Variants in TAFAZZIN observed in about 807,000 individuals in gnomAD.
TAFAZZIN encodes tafazzin, phospholipid-lysophospholipid transacylase.
Under a neutral mutation model 27.3 loss-of-function variants are expected in TAFAZZIN, and 6 were observed. That is an observed-to-expected ratio of 0.22 (90% CI 0.12 to 0.43). TAFAZZIN has a LOEUF of 0.43. Among genes scored for constraint, TAFAZZIN ranks in the 20% least tolerant of loss-of-function variants. TAFAZZIN has a pLI of 1.00. For synonymous variants in TAFAZZIN, 79 were observed against 96.2 expected, an observed-to-expected ratio of 0.82 and a Z score of 1.04; for missense variants, 127 against 244.5, an observed-to-expected ratio of 0.52 and a Z score of 3.21.
intron 5 of TAFAZZIN, among the ~76,000 whole-genome samples, chrX:154,417,860 G>A (rs1172604066): frequency 9.8e-5 from 11 of 111,942 alleles, no homozygotes; most frequent in Non-Finnish European, 1.7e-4. Flanking sequence ...TTCACCCCTC[G>A]TCCCTGCCTC....
chrX:154,418,256 G>A (rs782292026), intron 5 of TAFAZZIN, among the ~76,000 whole-genome samples: 1 of 111,807 alleles, frequency 8.9e-6, no homozygotes, highest in East Asian at 2.8e-4. Context: ...AGCCCAAGTG[G>A]GCTGCTGGGT....
At chrX:154,419,798 CCT>C in intron 7 of TAFAZZIN, 52 bp downstream of exon 7, 1 of 1,199,887 alleles carries the variant, frequency 8.3e-7, no homozygotes, top group Non-Finnish European at 1.1e-6. Flanking sequence ...CAGAGATGGC[CCT>C]GTGGGCCCCT....
In TAFAZZIN at chrX:154,411,881, C is replaced by T. The variant is rs1557190859; in HGVS notation, c.38C>T (p.Pro13Leu). 8.3e-7 allele frequency: 1 copy of T among 1,205,419 alleles called. No individual in the cohort carries two copies. The highest frequency in any genetic ancestry group is 3.0e-5 in the East Asian group (1 of 33,673). Reference protein sequence around the residue: ...LHVKWPFPAVPPLTWTLASSV... With the variant: ...LHVKWPFPAVLPLTWTLASSV... ...GTGAAGTGGCCGTTCCCCGCGGTGC[C>T]GCCGCTCACCTGGACCCTGGCCAGC... Residue 13 changes from proline to leucine, a missense_variant, in exon 1 of 11, where the codon CCG (proline) becomes CTG (leucine). Transcript: ENST00000601016.
chrX:154,416,390 G>A (rs782631201), intron 5 of TAFAZZIN, among the ~76,000 whole-genome samples: 2 of 108,870 alleles, frequency 1.8e-5, no homozygotes, highest in Admixed American at 9.8e-5. Flanking sequence ...AGCAGAGATC[G>A]CGCCACTGCA....
intron 5 of TAFAZZIN, among the ~76,000 whole-genome samples, chrX:154,416,116 G>A (rs1557192867): frequency 1.9e-5 from 2 of 107,830 alleles, no homozygotes; most frequent in African/African-American, 3.4e-5. Flanking sequence ...AAAATTAGCC[G>A]AGGCTGGGCG....
chrX:154,420,572 G>T (rs952933848), intron 9 of TAFAZZIN, 86 bp from the exon 10 acceptor site: 10 of 1,061,552 alleles, frequency 9.4e-6, no homozygotes, highest in Non-Finnish European at 1.1e-5. Context: ...GCAGGGCCGG[G>T]GCTTAGCTTC....
intron 5 of TAFAZZIN, among the ~76,000 whole-genome samples, chrX:154,417,418 G>A (rs1557193262): frequency 1.8e-5 from 2 of 112,399 alleles, no homozygotes; most frequent in Non-Finnish European, 3.8e-5. Flanking sequence ...GGCTGGTGGT[G>A]CTGCAGTTGG....
At chrX:154,414,820 C>T (rs1557192319) in intron 5 of TAFAZZIN, among the ~76,000 whole-genome samples, 3 of 109,636 alleles carry the variant, frequency 2.7e-5, no homozygotes, top group African/African-American at 1.0e-4. Context: ...GAAACCCCGT[C>T]TCTACTAAAA....
At chrX:154,419,965 G>C in intron 7 of TAFAZZIN, 67 bp from the exon 8 acceptor site, 2 of 1,190,828 alleles carry the variant, frequency 1.7e-6, no homozygotes, top group South Asian at 1.8e-5. Flanking sequence ...GCAGTGGCCA[G>C]AGGCTGGCAC....
At chrX:154,412,717 A>G (rs1174753313) in intron 2 of TAFAZZIN, 7 of 187,962 alleles carry the variant, frequency 3.7e-5, no homozygotes, top group African/African-American at 2.1e-4. Flanking sequence ...TCTGGTAACC[A>G]GATGGCCGGG....
At chrX:154,419,357 A>G in intron 5 of TAFAZZIN, 186 bp from the exon 6 acceptor site, 1 of 476,285 alleles carries the variant, frequency 2.1e-6, no homozygotes. Flanking sequence ...GCAGTGGGGG[A>G]TGGGAAGTCC....
intron 5 of TAFAZZIN, among the ~76,000 whole-genome samples, chrX:154,415,749 C>T (rs1001117878): frequency 1.4e-4 from 15 of 107,345 alleles, no homozygotes; most frequent in African/African-American, 4.1e-4. Context: ...GATGTGGTGG[C>T]GCACGCCTGT....
Position 154,411,761 on chromosome X carries a change from T to C in TAFAZZIN, c.-83T>C. The C allele has an allele frequency of 1.1e-6, 1 of 926,087 alleles. No homozygotes were observed. Among genetic ancestry groups the C allele is most frequent in the Non-Finnish European group, 1.5e-6 (1 of 666,767 alleles). The allele number at this position is 926,087 out of a possible 1,213,427, so 76.3% of individuals were successfully genotyped here. ...CGCGGGCCAGTCAGGGGCCAGTGTCTCGAGCGGTCGAGGTCGCAGACCTAG... is the reference window on the plus strand; with the variant it reads ...CGCGGGCCAGTCAGGGGCCAGTGTCCCGAGCGGTCGAGGTCGCAGACCTAG... On this transcript the variant is annotated 5_prime_UTR_variant, in exon 1 of 11. Coordinates refer to ENST00000601016, the MANE Select transcript of TAFAZZIN (RefSeq NM_000116.5).
chrX:154,417,955 T>C (rs781844978), intron 5 of TAFAZZIN, among the ~76,000 whole-genome samples: 1 of 112,360 alleles, frequency 8.9e-6, no homozygotes, highest in Non-Finnish European at 1.9e-5. Flanking sequence ...TTCCAAAAAA[T>C]TCCCTTTTTC....
In TAFAZZIN at chrX:154,421,077, T is replaced by A; in HGVS notation, c.*73T>A. 1 of 1,017,552 alleles carries A rather than the reference T, an allele frequency of 9.8e-7. No homozygotes were observed. The highest frequency in any genetic ancestry group is 2.0e-5 in the South Asian group (1 of 50,973). The allele number at this position is 1,017,552 out of a possible 1,213,427, so 83.9% of individuals were successfully genotyped here. A position where few individuals can be genotyped will look rare whatever the true frequency, so the allele number is the denominator to read the frequency against. On this transcript the variant is annotated 3_prime_UTR_variant, in exon 11 of 11. Coordinates refer to ENST00000601016, the MANE Select transcript of TAFAZZIN (RefSeq NM_000116.5). ...TGAGGGATGGACTGATGCTTTTAGC[T>A]CAAACGTGGCTTTTAGACAGATTTG...
intron 2 of TAFAZZIN, chrX:154,412,994 A>G (rs2068362446): frequency 2.1e-6 from 1 of 478,874 alleles, no homozygotes. Context: ...GGAGGTAGGC[A>G]GTCCAGGTGC....
At chrX:154,417,538 T>C (rs1557193326) in intron 5 of TAFAZZIN, among the ~76,000 whole-genome samples, 1 of 112,588 alleles carries the variant, frequency 8.9e-6, no homozygotes, top group Non-Finnish European at 1.9e-5. Context: ...CAAAGGATAT[T>C]AGAGGTCAAG....
intron 10 of TAFAZZIN, 64 bp from the exon 11 acceptor site, chrX:154,420,839 C>G: frequency 8.4e-7 from 1 of 1,184,592 alleles, no homozygotes; most frequent in Non-Finnish European, 1.1e-6. Context: ...CCCAGGGCAC[C>G]CTCCCAGGGC....
chrX:154,414,108 A>T lies in TAFAZZIN; in HGVS notation c.378A>T (p.Glu126Asp), dbSNP rs1361004251. The T allele has an allele frequency of 1.7e-6, 2 of 1,202,839 alleles. No homozygotes were observed. The highest frequency in any genetic ancestry group is 2.2e-6 in the Non-Finnish European group (2 of 890,062). The change falls in exon 5 of 11, where the codon GAA (glutamate) becomes GAT (aspartate). Residue 126 changes from glutamate (E) to aspartate (D), a missense_variant. Glu to Asp is a conservative substitution (Grantham distance 45). Around this residue, in one of 3 missense-constraint regions of TAFAZZIN, gnomAD observed 79 missense variants for 188.7 expected, o/e 0.42. Transcript: ENST00000601016. ...TTGCTCCTTCCTCTGCAGGAGCAGA[A>T]TTTTTCCAAGCAGAGAATGAGGGGA... ...GKCVPVCRGAEFFQAENEGKG... is the reference protein window; with the variant it reads ...GKCVPVCRGADFFQAENEGKG...
Sources: allele counts gnomAD v4.1 joint callset (sites outside exome capture counted in the v4.1 genomes callset), GRCh38; gene constraint gnomAD v4.1.1; regional missense constraint gnomAD v4.1.1; transcripts MANE v1.5; gene names NCBI Gene and HGNC (gene_info 2026-07-23, HGNC 2026-07-21).